Variants in DHDDS observed in about 807,000 individuals in gnomAD.
DHDDS encodes dehydrodolichyl diphosphate synthase subunit.
In DHDDS, 16 loss-of-function variants were observed where a neutral mutation model predicts 46.2. That is an observed-to-expected ratio of 0.35 (90% CI 0.23 to 0.53). The LOEUF is 0.53. Among genes scored for constraint, DHDDS ranks in the 20% least tolerant of loss-of-function variants. The pLI is 0.94. For missense variants in DHDDS, 340 were observed against 423.7 expected, an observed-to-expected ratio of 0.80 and a Z score of 1.73; for synonymous variants, 151 against 163.1, an observed-to-expected ratio of 0.93 and a Z score of 0.56.
intron 7 of DHDDS, among the ~76,000 whole-genome samples, 180 bp from the exon 8 acceptor site, chr1:26,459,857 C>G (rs1283748115): frequency 6.6e-6 from 1 of 152,172 alleles, no homozygotes; most frequent in African/African-American, 2.4e-5. Context: ...AGTGACGCCT[C>G]CCCCTACTAG....
In DHDDS at chr1:26,432,935, G is replaced by C; in HGVS notation, c.-11G>C. The C allele has an allele frequency of 6.2e-7, 1 of 1,614,128 alleles. No individual in the cohort carries two copies. The highest frequency in any genetic ancestry group is 8.5e-7 in the Non-Finnish European group (1 of 1,179,994). ...CTTGTTCTGGAGTGATCTTCTGACTGGAAAAGAACTATGTCATGGATCAAG... is the reference window on the plus strand; with the variant it reads ...CTTGTTCTGGAGTGATCTTCTGACTCGAAAAGAACTATGTCATGGATCAAG... On this transcript the variant is annotated 5_prime_UTR_variant, in exon 2 of 9. Coordinates refer to ENST00000236342, the MANE Select transcript of DHDDS (RefSeq NM_205861.3).
chr1:26,436,713 G>A (rs1455805962), intron 2 of DHDDS, among the ~76,000 whole-genome samples: 1 of 151,912 alleles, frequency 6.6e-6, no homozygotes, highest in Non-Finnish European at 1.5e-5. Flanking sequence ...ATGAGCCACT[G>A]TGCCTGGCCT....
In DHDDS at chr1:26,457,864, A is replaced by T; in HGVS notation, c.616A>T (p.Thr206Ser). The T allele has an allele frequency of 6.2e-7, 1 of 1,613,980 alleles. No individual in the cohort carries two copies. The highest frequency in any genetic ancestry group is 8.5e-7 in the Non-Finnish European group (1 of 1,180,006). ...RSPHPDILIR[T>S]SGEVRLSDFL... ...TCCTCATCCTGACATCTTGATACGG[A>T]CTTCTGGAGAAGTGCGGCTGAGTGA... Residue 206 changes from threonine (T) to serine (S), a missense_variant, in exon 7 of 9, where the codon ACT becomes TCT. Around this residue, in one of 2 missense-constraint regions of DHDDS, gnomAD observed 268 missense variants for 300.3 expected, o/e 0.89. Transcript: ENST00000236342.
intron 2 of DHDDS, among the ~76,000 whole-genome samples, chr1:26,437,508 T>TCGCC: frequency 6.6e-6 from 1 of 150,480 alleles, no homozygotes; most frequent in Non-Finnish European, 1.5e-5. Context: ...TCTCGCTGTG[T>TCGCC]CACCCAGGCT....
intron 6 of DHDDS, among the ~76,000 whole-genome samples, chr1:26,457,508 A>C (rs1433407278): frequency 6.6e-6 from 1 of 151,410 alleles, no homozygotes; most frequent in Non-Finnish European, 1.5e-5. Context: ...TATGTATCAG[A>C]ACATGTCAAA....
Position 26,469,560 on chromosome 1 carries a change from G to C in DHDDS, c.*429G>C. The C allele has an allele frequency of 4.1e-6, 1 of 246,854 alleles. No individual in the cohort carries two copies. The highest frequency in any genetic ancestry group is 8.2e-6 in the Non-Finnish European group (1 of 121,754). 15.3% of individuals were successfully genotyped at this position (246,854 alleles called of 1,614,324 possible). On this transcript the variant is annotated 3_prime_UTR_variant, in exon 9 of 9. Coordinates refer to ENST00000236342, the MANE Select transcript of DHDDS (RefSeq NM_205861.3). ...CCACAAAAGATTTGGCTCTACCTTGGATCTGCTAGTAAATAACTAATAGGC... is the reference window on the plus strand; with the variant it reads ...CCACAAAAGATTTGGCTCTACCTTGCATCTGCTAGTAAATAACTAATAGGC...
intron 6 of DHDDS, among the ~76,000 whole-genome samples, chr1:26,451,681 T>A (rs1220970653): frequency 6.8e-6 from 1 of 147,720 alleles, no homozygotes; most frequent in East Asian, 2.0e-4. Flanking sequence ...CAGGCTGGAG[T>A]GCAGTGGCAC....
intron 2 of DHDDS, among the ~76,000 whole-genome samples, chr1:26,437,157 G>A (rs761457316): frequency 6.6e-5 from 10 of 151,776 alleles, no homozygotes; most frequent in Admixed American, 3.3e-4. Context: ...GCGACAGAGC[G>A]AGACTCCTTC....
chr1:26,440,138 CA>C (rs1557435618), intron 3 of DHDDS, among the ~76,000 whole-genome samples: 1 of 151,758 alleles, frequency 6.6e-6, no homozygotes, highest in South Asian at 2.1e-4. Flanking sequence ...GACTCCGTCT[CA>C]AAAAAAATAA....
At chr1:26,435,246 G>A (rs1403357155) in intron 2 of DHDDS, among the ~76,000 whole-genome samples, 3 of 151,400 alleles carry the variant, frequency 2.0e-5, no homozygotes, top group African/African-American at 7.3e-5. Flanking sequence ...TCCTGACCTC[G>A]TGATCCACCC....
chr1:26,457,155 G>C (rs893377683), intron 6 of DHDDS, among the ~76,000 whole-genome samples: 1 of 151,982 alleles, frequency 6.6e-6, no homozygotes, highest in Admixed American at 6.6e-5. Flanking sequence ...TATAAAATGA[G>C]GATAGAAATA....
At chr1:26,461,383 CTT>C (rs71581068) in intron 8 of DHDDS, among the ~76,000 whole-genome samples, 33 of 136,440 alleles carry the variant, frequency 2.4e-4, no homozygotes, top group South Asian at 9.4e-4. Context: ...ACATAGAATA[CTT>C]TTTTTTTTTT....
intron 8 of DHDDS, chr1:26,467,418 G>T (rs1478878496): frequency 2.2e-6 from 1 of 457,932 alleles, no homozygotes; most frequent in Non-Finnish European, 4.6e-6. Context: ...TAGCAGAAGA[G>T]AAGTATTCTT....
chr1:26,451,905 C>G (rs1050020551), intron 6 of DHDDS, among the ~76,000 whole-genome samples: 1 of 151,174 alleles, frequency 6.6e-6, no homozygotes, highest in African/African-American at 2.4e-5. Context: ...TGGGATCACA[C>G]CCGGCTATTT....
chr1:26,464,285 G>A (rs995846085), intron 8 of DHDDS, among the ~76,000 whole-genome samples: 2 of 152,026 alleles, frequency 1.3e-5, no homozygotes, highest in African/African-American at 2.4e-5. Context: ...GAGCCGCTGC[G>A]CCCGGCCTAT....
rs1191417735 is a variant in DHDDS, at chr1:26,470,463, G to C, written c.*1332G>C. The C allele has an allele frequency of 6.6e-6, 1 of 151,874 alleles. No homozygotes were observed. The highest frequency in any genetic ancestry group is 1.5e-5 in the Non-Finnish European group (1 of 68,018). 9.4% of individuals were successfully genotyped at this position (151,874 alleles called of 1,614,324 possible). A position where few individuals can be genotyped will look rare whatever the true frequency, so the allele number is the denominator to read the frequency against. On this transcript the variant is annotated 3_prime_UTR_variant, in exon 9 of 9. Transcript: ENST00000236342. Reference sequence around the variant, plus strand: ...TGCCAGACTTCCCATTTTACTTTCTGCAAGCTGTTTCCCTAGCAGCTCCCT... The same window carrying C: ...TGCCAGACTTCCCATTTTACTTTCTCCAAGCTGTTTCCCTAGCAGCTCCCT...
chr1:26,458,463 C>T (rs1049384249), intron 7 of DHDDS, among the ~76,000 whole-genome samples: 3 of 152,124 alleles, frequency 2.0e-5, no homozygotes, highest in African/African-American at 7.2e-5. Flanking sequence ...TAACGCAGGG[C>T]GTGGTGGCTC....
chr1:26,467,408 T>C (rs1198198445), intron 8 of DHDDS: 1 of 463,462 alleles, frequency 2.2e-6, no homozygotes, highest in Admixed American at 2.4e-5. Flanking sequence ...TTCATTGTAA[T>C]AGCAGAAGAG....
At chr1:26,459,095 C>CT (rs2075398861) in intron 7 of DHDDS, among the ~76,000 whole-genome samples, 1 of 152,192 alleles carries the variant, frequency 6.6e-6, no homozygotes, top group Non-Finnish European at 1.5e-5. Context: ...TGTCTTGAAA[C>CT]TTATAGTTTG....
Sources: gnomAD v4.1 joint callset for allele counts (sites outside exome capture counted in the v4.1 genomes callset) on GRCh38, gnomAD v4.1.1 for gene constraint, gnomAD v4.1.1 regional missense constraint, MANE v1.5 for transcripts, NCBI Gene and HGNC (gene_info 2026-07-23, HGNC 2026-07-21) for gene names.